The following CDC14A variants were observed in gnomAD, a reference collection of about 807,000 sequenced individuals.
CDC14A encodes the protein cell division cycle 14A.
Under a neutral mutation model 74.4 loss-of-function variants are expected in CDC14A, and 53 were observed. The ratio of observed to expected loss-of-function variants is 0.71; its 90% confidence interval spans 0.57 to 0.89. The LOEUF is 0.89. Among genes scored for constraint, CDC14A ranks in the 40% least tolerant of loss-of-function variants. The probability of loss-of-function intolerance (pLI) is 0.00; values close to 1 mark genes in which losing one functional copy is unlikely to be tolerated. For missense variants in CDC14A, 646 were observed against 713.7 expected (o/e 0.91, Z 1.08); for synonymous variants, 247 against 258.4 (o/e 0.96, Z 0.43).
rs546508520 is a variant in CDC14A at position 100,364,852 on chromosome 1, C to T, written c.140+11000C>T. 4.6e-5 allele frequency among the ~76,000 whole-genome samples: 7 copies of T among 152,204 alleles called. No individual in the cohort carries two copies. In the East Asian group the frequency reaches 9.7e-4, roughly 21 times the overall value. Reference sequence around the variant, plus strand: ...AACGAGGGATGTTAGAATTACAGACCCTGATACTGGAAGGTTTCTTGATAC... The same window carrying T: ...AACGAGGGATGTTAGAATTACAGACTCTGATACTGGAAGGTTTCTTGATAC... On this transcript the variant is annotated intron_variant, in intron 2 of 15. Transcript: ENST00000336454.
chr1:100,385,971 A>G (rs918627794), intron 3 of CDC14A, among the ~76,000 whole-genome samples: 1 of 152,118 alleles, frequency 6.6e-6, no homozygotes, highest in African/African-American at 2.4e-5. Flanking sequence ...GTTCAAGACC[A>G]GCCTGGCCAA....
At chr1:100,496,233 T>C (rs1647777521) in intron 13 of CDC14A, among the ~76,000 whole-genome samples, 184 bp downstream of exon 13, 1 of 152,142 alleles carries the variant, frequency 6.6e-6, no homozygotes, top group African/African-American at 2.4e-5. Context: ...ATTTTTTTTT[T>C]TTTTTGCTGG....
intron 15 of CDC14A, among the ~76,000 whole-genome samples, chr1:100,517,970 C>A (rs1650372219): frequency 6.6e-6 from 1 of 152,114 alleles, no homozygotes; most frequent in Non-Finnish European, 1.5e-5. Context: ...TGAGTTTAGG[C>A]TACCTACCGA....
chr1:100,413,711 C>G lies in CDC14A; in HGVS notation c.310-10511C>G, dbSNP rs116310674. Among the ~76,000 whole-genome samples, 591 of 152,260 alleles carry G rather than the reference C, an allele frequency of 3.9e-3. 5 individuals carry two copies. Among genetic ancestry groups the G allele is most frequent in the African/African-American group, 0.013 (559 of 41,542 alleles). The stretch of plus-strand genomic sequence containing the variant: ...TATGATCTTTCTTGTTCACTTTTCT[C>G]CTCAATTACTTTCCTTCCAGTGACA... On this transcript the variant is annotated intron_variant, in intron 4 of 15. Coordinates refer to ENST00000336454, the MANE Select transcript of CDC14A (RefSeq NM_003672.4).
intron 7 of CDC14A, among the ~76,000 whole-genome samples, chr1:100,453,587 T>A (rs976826242): frequency 2.1e-4 from 32 of 152,206 alleles, no homozygotes; most frequent in Non-Finnish European, 3.7e-4. Context: ...TAATTTCACA[T>A]GTGCAATCAT....
intron 14 of CDC14A, among the ~76,000 whole-genome samples, 191 bp from the exon 15 acceptor site, chr1:100,498,738 T>TATA (rs1648261759): frequency 6.6e-6 from 1 of 152,238 alleles, no homozygotes; most frequent in Non-Finnish European, 1.5e-5. Flanking sequence ...ACTTGATATG[T>TATA]ATAACTCAAG....
chr1:100,349,070 C>A (rs544284144), upstream of CDC14A, among the ~76,000 whole-genome samples: 2 of 152,254 alleles, frequency 1.3e-5, no homozygotes, highest in South Asian at 4.1e-4. Flanking sequence ...GGCGCACATG[C>A]CTGTAGTCCC....
rs139956023 is a variant in CDC14A, at chr1:100,499,270, C to A, written c.1755+8C>A. The A allele has an allele frequency of 6.2e-7, 1 of 1,614,206 alleles. No homozygotes were observed. Among genetic ancestry groups the A allele is most frequent in the African/African-American group, 1.3e-5 (1 of 75,048 alleles). On this transcript the variant is annotated splice_region_variant and intron_variant, in intron 15 of 15. Coordinates refer to ENST00000336454, the MANE Select transcript of CDC14A (RefSeq NM_003672.4). Reference sequence around the variant, plus strand: ...CTGAGCCGTTCTATCCCTGTAAGTGCGCAGACACCACCTCCTGGTCCTCAG... The same window carrying A: ...CTGAGCCGTTCTATCCCTGTAAGTGAGCAGACACCACCTCCTGGTCCTCAG...
At chr1:100,455,224 G>A (rs1016581907) in intron 7 of CDC14A, among the ~76,000 whole-genome samples, 181 bp from the exon 8 acceptor site, 26 of 152,068 alleles carry the variant, frequency 1.7e-4, no homozygotes, top group Non-Finnish European at 2.6e-4. Flanking sequence ...TTTCTAAAGC[G>A]GATTGAATTC....
chr1:100,349,480 T>A (rs1033189211), upstream of CDC14A, among the ~76,000 whole-genome samples: 1 of 152,238 alleles, frequency 6.6e-6, no homozygotes, highest in Non-Finnish European at 1.5e-5. Flanking sequence ...GACCTCAGGA[T>A]AACTGAGAGA....
In CDC14A at chr1:100,518,805, G is replaced by A. The variant is rs1419720887; in HGVS notation, c.*525G>A. The A allele has an allele frequency of 6.6e-6, 1 of 152,574 alleles. No individual in the cohort carries two copies. The highest frequency in any genetic ancestry group is 1.9e-4 in the East Asian group (1 of 5,200). 9.5% of individuals were successfully genotyped at this position (152,574 alleles called of 1,614,324 possible). A position where few individuals can be genotyped will look rare whatever the true frequency, so the allele number is the denominator to read the frequency against. ...CTTCTTATTAAGAAGAAGTAAGGGA[G>A]AAAGTTTTTAGAAAGTGATTTTTAT... is the stretch of plus-strand genomic sequence containing the variant. On this transcript the variant is annotated 3_prime_UTR_variant, in exon 16 of 16. Transcript: ENST00000336454.
chr1:100,446,853 T>C (rs967353140), intron 7 of CDC14A, among the ~76,000 whole-genome samples: 1 of 152,008 alleles, frequency 6.6e-6, no homozygotes, highest in Non-Finnish European at 1.5e-5. Flanking sequence ...GTGTGCCACC[T>C]TGCCCTGCTA....
At chr1:100,444,933 CAA>C (rs995140998) in intron 7 of CDC14A, among the ~76,000 whole-genome samples, 2 of 151,746 alleles carry the variant, frequency 1.3e-5, no homozygotes, top group Non-Finnish European at 2.9e-5. Flanking sequence ...GAAAAAAACC[CAA>C]AGAGAGTTTT....
intron 4 of CDC14A, among the ~76,000 whole-genome samples, chr1:100,406,269 C>G (rs1264985797): frequency 1.3e-5 from 2 of 152,146 alleles, no homozygotes; most frequent in East Asian, 3.8e-4. Flanking sequence ...CTTACAGACT[C>G]TGGATATTAG....
intron 5 of CDC14A, among the ~76,000 whole-genome samples, chr1:100,433,353 C>T (rs940667630): frequency 2.6e-5 from 4 of 152,200 alleles, no homozygotes; most frequent in African/African-American, 9.7e-5. Context: ...ATAAAAGACA[C>T]GTTTCCCGTC....
intron 2 of CDC14A, among the ~76,000 whole-genome samples, chr1:100,355,889 A>G (rs1651802438): frequency 6.6e-6 from 1 of 152,240 alleles, no homozygotes; most frequent in Admixed American, 6.5e-5. Flanking sequence ...TACAACCTCT[A>G]TGCTAGGAGA....
intron 2 of CDC14A, among the ~76,000 whole-genome samples, chr1:100,374,550 T>C (rs993945022): frequency 2.0e-5 from 3 of 152,256 alleles, no homozygotes; most frequent in Admixed American, 2.0e-4. Context: ...ATTTCTCTGA[T>C]GCATCTCTGT....
At chr1:100,445,000 T>C (rs1665378768) in intron 7 of CDC14A, among the ~76,000 whole-genome samples, 1 of 151,826 alleles carries the variant, frequency 6.6e-6, no homozygotes, top group Non-Finnish European at 1.5e-5. Flanking sequence ...CCCTCTAAAA[T>C]CCCCAAGTTA....
intron 11 of CDC14A, among the ~76,000 whole-genome samples, chr1:100,491,544 C>CTATATA (rs1557821650): frequency 1.1e-3 from 45 of 41,324 alleles, no homozygotes; most frequent in Non-Finnish European, 1.9e-3. Flanking sequence ...CTCTCTCTCT[C>CTATATA]TCTCTATATA....
Sources: allele counts gnomAD v4.1 joint callset (sites outside exome capture counted in the v4.1 genomes callset), GRCh38; gene constraint gnomAD v4.1.1; transcripts MANE v1.5; gene names NCBI Gene and HGNC (gene_info 2026-07-23, HGNC 2026-07-21).